SYN3: variants seen among roughly 807,000 people sequenced by gnomAD.
SYN3 encodes synapsin-3.
In SYN3, 35 loss-of-function variants were observed where a neutral mutation model predicts 65.8. That is an observed-to-expected ratio of 0.53 (90% CI 0.41 to 0.70). The LOEUF (loss-of-function observed/expected upper bound fraction) is 0.70. SYN3 is among the 30% of genes least tolerant of loss of function. The pLI is 0.00. For synonymous variants in SYN3, 270 were observed against 292.9 expected, an observed-to-expected ratio of 0.92 and a Z score of 0.80; for missense variants, 680 against 749.0, an observed-to-expected ratio of 0.91 and a Z score of 1.08.
chr22:32,510,458 G>A lies in SYN3; in HGVS notation c.*3234C>T, dbSNP rs1476002158. On this transcript the variant is annotated 3_prime_UTR_variant, in exon 14 of 14. Transcript: ENST00000358763. ...TCTTTTATTACTAAGTGAAAACTGG[G>A]TGAGATTGTTGAAGAGGGACGATTG... 6.6e-6 allele frequency among the ~76,000 whole-genome samples: 1 copy of A among 152,198 alleles called. No individual in the cohort carries two copies. Among genetic ancestry groups the A allele is most frequent in the Non-Finnish European group, 1.5e-5 (1 of 68,038 alleles).
intron 6 of SYN3, among the ~76,000 whole-genome samples, chr22:32,641,903 G>A (rs1008169959): frequency 2.0e-5 from 3 of 152,078 alleles, no homozygotes; most frequent in South Asian, 2.1e-4. Flanking sequence ...CCCTTTTCAG[G>A]GGTACAGATT....
intron 2 of SYN3, among the ~76,000 whole-genome samples, chr22:32,991,840 C>T (rs1018177268): frequency 2.0e-5 from 3 of 152,232 alleles, no homozygotes; most frequent in Admixed American, 6.5e-5. Context: ...GAAGCACCAT[C>T]CCTTCTCCTG....
intron 7 of SYN3, among the ~76,000 whole-genome samples, chr22:32,595,173 T>C (rs1018251891): frequency 7.2e-5 from 11 of 152,168 alleles, no homozygotes; most frequent in African/African-American, 2.7e-4. Context: ...TGAGGCCAAG[T>C]ACATTGATCC....
chr22:32,750,876 G>A (rs928366718), intron 6 of SYN3, among the ~76,000 whole-genome samples: 1 of 152,122 alleles, frequency 6.6e-6, no homozygotes, highest in South Asian at 2.1e-4. Context: ...GCTGAGGAAG[G>A]CACAGGTTTT....
At chr22:33,040,373 A>C (rs2053941906) in intron 1 of SYN3, among the ~76,000 whole-genome samples, 1 of 152,228 alleles carries the variant, frequency 6.6e-6, no homozygotes, top group South Asian at 2.1e-4. Context: ...ACCCTCCCTT[A>C]ATCTCTCTCA....
At chr22:32,667,798 C>T (rs5998571) in intron 6 of SYN3, among the ~76,000 whole-genome samples, 11,088 of 138,954 alleles carry the variant, frequency 0.08, 545 homozygotes, top group African/African-American at 0.11. Context: ...TTCTTTCTTT[C>T]TTTTTTTTTT....
At chr22:32,865,103 C>T (rs2048656043) in intron 5 of SYN3, 99 bp from the exon 6 acceptor site, 1 of 972,216 alleles carries the variant, frequency 1.0e-6, no homozygotes, top group East Asian at 2.4e-5. Flanking sequence ...CTGTTCTGAG[C>T]CGAGCTTCAG....
At chr22:32,623,877 A>G (rs1376444464) in intron 6 of SYN3, among the ~76,000 whole-genome samples, 1 of 152,150 alleles carries the variant, frequency 6.6e-6, no homozygotes, top group Non-Finnish European at 1.5e-5. Context: ...CCCTCCCACC[A>G]TAAAAGAGGG....
rs1373567406 is a variant in SYN3, at chr22:32,508,238, GAGTGATT to G, written c.*5447_*5453del. Among the ~76,000 whole-genome samples, 1 of 152,094 alleles carries G rather than the reference GAGTGATT, an allele frequency of 6.6e-6. No homozygotes were observed. Among genetic ancestry groups the G allele is most frequent in the Non-Finnish European group, 1.5e-5 (1 of 68,024 alleles). On this transcript the variant is annotated 3_prime_UTR_variant, in exon 14 of 14. Transcript: ENST00000358763. ...GATTTGTTCCTGCCCCACCTTAACTGAGTGATTAACCCTGTAAATTTCCTTCTTCTGG... is the reference window on the plus strand; with the variant it reads ...GATTTGTTCCTGCCCCACCTTAACTGAACCCTGTAAATTTCCTTCTTCTGG...
chr22:33,010,853 T>C (rs183187095), intron 1 of SYN3, among the ~76,000 whole-genome samples: 91 of 152,266 alleles, frequency 6.0e-4, no homozygotes, highest in African/African-American at 1.9e-3. Context: ...CCTATTTCGT[T>C]TGGGGTTTTT....
rs1467149732 is a variant in SYN3 at position 32,512,006 on chromosome 22, C to T, written c.*1686G>A. On this transcript the variant is annotated 3_prime_UTR_variant, in exon 14 of 14. Transcript: ENST00000358763. ...GCACTTTCAATACTGACCCAGTCTC[C>T]AGCCAATAGCCCGTCAAAAGCCAGC... Among the ~76,000 whole-genome samples, 1 of 152,190 alleles carries T rather than the reference C, an allele frequency of 6.6e-6. No homozygotes were observed. Among genetic ancestry groups the T allele is most frequent in the Non-Finnish European group, 1.5e-5 (1 of 68,032 alleles).
At chr22:32,519,433 A>C (rs9621476) in intron 12 of SYN3, 19,279 of 152,164 alleles carry the variant, frequency 0.13, 1,612 homozygotes, top group Non-Finnish European at 0.2. Flanking sequence ...CAAAAGCAAC[A>C]TATCACTTGA....
intron 1 of SYN3, among the ~76,000 whole-genome samples, chr22:33,056,327 T>C (rs2054252727): frequency 2.0e-5 from 3 of 152,158 alleles, no homozygotes; most frequent in Non-Finnish European, 4.4e-5. Context: ...AAAGCACTAC[T>C]TCATTTGTGA....
intron 6 of SYN3, among the ~76,000 whole-genome samples, chr22:32,654,374 T>C (rs1354619142): frequency 6.6e-6 from 1 of 152,202 alleles, no homozygotes; most frequent in Non-Finnish European, 1.5e-5. Flanking sequence ...TTGTAAAACA[T>C]AAATCTGTCA....
At chr22:32,623,540 G>A (rs780096852) in intron 6 of SYN3, among the ~76,000 whole-genome samples, 2 of 152,158 alleles carry the variant, frequency 1.3e-5, no homozygotes, top group African/African-American at 4.8e-5. Context: ...AATCAATGGC[G>A]GTCTTCCCAT....
At chr22:32,700,333 G>A (rs2060794501) in intron 6 of SYN3, among the ~76,000 whole-genome samples, 1 of 152,152 alleles carries the variant, frequency 6.6e-6, no homozygotes, top group African/African-American at 2.4e-5. Flanking sequence ...GAAGGGATGT[G>A]GCTCCTGCAT....
chr22:32,930,452 G>A lies in SYN3; in HGVS notation c.461+938C>T, dbSNP rs539778414. On this transcript the variant is annotated intron_variant, in intron 4 of 13. Coordinates refer to ENST00000358763, the MANE Select transcript of SYN3 (RefSeq NM_003490.4). ...GCCTCTTTTTCTTTATGAATTACCC[G>A]GTCTCGAGTATATGTCTTTATCAGC... is the stretch of plus-strand genomic sequence containing the variant. 3.8e-4 allele frequency among the ~76,000 whole-genome samples: 58 copies of A among 152,144 alleles called. 1 individual carries two copies. Among genetic ancestry groups the A allele is most frequent in the African/African-American group, 1.1e-3 (45 of 41,512 alleles).
chr22:32,830,448 C>G (rs2047539608), intron 6 of SYN3, among the ~76,000 whole-genome samples: 1 of 152,200 alleles, frequency 6.6e-6, no homozygotes, highest in African/African-American at 2.4e-5. Context: ...ACCCCAGGTT[C>G]TCTGGTGCCC....
At chr22:32,944,051 T>C (rs562447160) in intron 3 of SYN3, among the ~76,000 whole-genome samples, 88 of 152,064 alleles carry the variant, frequency 5.8e-4, no homozygotes, top group African/African-American at 2.1e-3. Flanking sequence ...GAGACAAAGT[T>C]AACAAGGATA....
Sources: gnomAD v4.1 joint callset for allele counts (sites outside exome capture counted in the v4.1 genomes callset) on GRCh38, gnomAD v4.1.1 for gene constraint, MANE v1.5 for transcripts, NCBI Gene and HGNC (gene_info 2026-07-23, HGNC 2026-07-21) for gene names.